The following MGAT4C variants were observed in gnomAD, a reference collection of about 807,000 sequenced individuals.
MGAT4C encodes alpha-1,3-mannosyl-glycoprotein 4-beta-N-acetylglucosaminyltransferase C.
Under a neutral mutation model 40.1 loss-of-function variants are expected in MGAT4C, and 19 were observed. That is an observed-to-expected ratio of 0.47 (90% CI 0.33 to 0.70). MGAT4C has a LOEUF of 0.70. MGAT4C is among the 30% of genes least tolerant of loss of function. MGAT4C has a pLI of 0.02. For missense variants in MGAT4C, 491 were observed against 563.2 expected (o/e 0.87, Z 1.30); for synonymous variants, 181 against 187.1 (o/e 0.97, Z 0.27).
At chr12:86,682,365 A>G (rs566340460) in intron 2 of MGAT4C, among the ~76,000 whole-genome samples, 2 of 152,078 alleles carry the variant, frequency 1.3e-5, no homozygotes, top group Non-Finnish European at 2.9e-5. Flanking sequence ...TAAGCTAAGC[A>G]GTTTACTAAT....
At chr12:86,255,916 A>T (rs1952497137) in intron 1 of MGAT4C, among the ~76,000 whole-genome samples, 1 of 152,164 alleles carries the variant, frequency 6.6e-6, no homozygotes, top group African/African-American at 2.4e-5. Context: ...TAGAGAAATG[A>T]TGCAGAATGA....
chr12:86,714,774 A>AAAGGAAGGAAGGAAGG (rs71445060), intron 2 of MGAT4C, among the ~76,000 whole-genome samples: 3,670 of 141,418 alleles, frequency 0.026, 105 homozygotes, highest in African/African-American at 0.064. Flanking sequence ...TGGAAGGGAA[A>AAAGGAAGGAAGGAAGG]AAGGAAGGAA....
intron 2 of MGAT4C, among the ~76,000 whole-genome samples, chr12:86,457,460 T>C (rs911136990): frequency 1.3e-5 from 2 of 152,150 alleles, no homozygotes; most frequent in Non-Finnish European, 2.9e-5. Context: ...ATTTTATTTA[T>C]GAATAGATTT....
intron 2 of MGAT4C, among the ~76,000 whole-genome samples, chr12:86,486,376 GCACACACACACACACACA>G (rs59222713): frequency 2.0e-4 from 28 of 139,986 alleles, no homozygotes; most frequent in Admixed American, 2.9e-4. Context: ...GATCTATCAT[GCACACACACACACACACA>G]CACACACACA....
intron 4 of MGAT4C, among the ~76,000 whole-genome samples, chr12:86,263,177 C>G (rs1328241414): frequency 6.6e-6 from 1 of 151,988 alleles, no homozygotes; most frequent in Admixed American, 6.6e-5. Context: ...AACAAATATT[C>G]TAAATTTTTA....
chr12:86,812,805 C>T (rs1314312875), intron 1 of MGAT4C, among the ~76,000 whole-genome samples: 2 of 152,066 alleles, frequency 1.3e-5, no homozygotes, highest in Non-Finnish European at 2.9e-5. Flanking sequence ...CCAACCTTTA[C>T]TGGGCTATCC....
intron 2 of MGAT4C, among the ~76,000 whole-genome samples, chr12:86,538,701 A>C (rs1959117868): frequency 6.8e-6 from 1 of 147,284 alleles, no homozygotes; most frequent in Admixed American, 7.0e-5. Flanking sequence ...TCCACCTCCC[A>C]GGTTCATGCC....
chr12:86,440,804 A>G (rs910637141), intron 2 of MGAT4C, among the ~76,000 whole-genome samples: 1 of 152,112 alleles, frequency 6.6e-6, no homozygotes, highest in African/African-American at 2.4e-5. Flanking sequence ...AATATACACA[A>G]ATCAGCTGCA....
In MGAT4C at chr12:86,772,887, T is replaced by C. The variant is rs573645677; in HGVS notation, c.-261-45646A>G. On this transcript the variant is annotated intron_variant, in intron 1 of 7. Coordinates refer to the MGAT4C transcript ENST00000548651. ...AGTAATTTTGCCTCAGGATGAATCATACCTGGAGTCTCACCCACACGTGGA... is the reference window on the plus strand; with the variant it reads ...AGTAATTTTGCCTCAGGATGAATCACACCTGGAGTCTCACCCACACGTGGA... Among the ~76,000 whole-genome samples the C allele has an allele frequency of 1.6e-4, 25 of 152,274 alleles. 1 individual carries two copies. In the South Asian group the frequency reaches 5.2e-3, roughly 32 times the overall value.
At chr12:86,026,150 G>A (rs1029059203) in intron 2 of MGAT4C, among the ~76,000 whole-genome samples, 5 of 151,766 alleles carry the variant, frequency 3.3e-5, no homozygotes, top group African/African-American at 1.2e-4. Context: ...AAGGAGTGGG[G>A]ATATAAAATA....
At chr12:86,185,842 T>C (rs1247333700) in intron 1 of MGAT4C, among the ~76,000 whole-genome samples, 2 of 152,090 alleles carry the variant, frequency 1.3e-5, no homozygotes, top group African/African-American at 4.8e-5. Context: ...GCAAACACAT[T>C]TCTTAGGCAA....
At chr12:86,552,635 T>C (rs781143112) in intron 2 of MGAT4C, among the ~76,000 whole-genome samples, 3 of 152,124 alleles carry the variant, frequency 2.0e-5, no homozygotes, top group Admixed American at 6.5e-5. Context: ...ATGTACTTCA[T>C]AAATATGTAC....
In MGAT4C at chr12:86,068,940, GTA is replaced by G. The variant is rs1423914823; in HGVS notation, c.-56-19219_-56-19218del. Among the ~76,000 whole-genome samples the G allele has an allele frequency of 5.9e-5, 9 of 152,180 alleles. No individual in the cohort carries two copies. In the East Asian group the frequency reaches 1.4e-3, roughly 23 times the overall value. Reference sequence around the variant, plus strand: ...TCTGTAAGAGTTGGTTGATAATATAGTATTGCTTTAGGTGGGAGACTCCTTAA... The same window carrying G: ...TCTGTAAGAGTTGGTTGATAATATAGTTGCTTTAGGTGGGAGACTCCTTAA... On this transcript the variant is annotated intron_variant, in intron 1 of 4. Transcript: ENST00000611864.
At chr12:86,763,180 A>C (rs1393625135) in intron 1 of MGAT4C, among the ~76,000 whole-genome samples, 1 of 152,230 alleles carries the variant, frequency 6.6e-6, no homozygotes, top group African/African-American at 2.4e-5. Flanking sequence ...GTGTGACTCA[A>C]AACAAATTGT....
In MGAT4C at chr12:86,036,080, A is replaced by G. The variant is rs1891212939; in HGVS notation, c.-7+13594T>C. Among the ~76,000 whole-genome samples the G allele has an allele frequency of 1.3e-5, 2 of 149,912 alleles. 1 individual carries two copies. The highest frequency in any genetic ancestry group is 3.0e-5 in the Non-Finnish European group (2 of 66,868). On this transcript the variant is annotated intron_variant, in intron 2 of 4. Coordinates refer to ENST00000611864, the MANE Select transcript of MGAT4C (RefSeq NM_001351288.2). Reference sequence around the variant, plus strand: ...GCAGACTCTTTTTTGGTTCCATATGAAATTTGAAGTAGTTTTTTCCAATTC... The same window carrying G: ...GCAGACTCTTTTTTGGTTCCATATGGAATTTGAAGTAGTTTTTTCCAATTC...
At chr12:86,383,547 C>G (rs1955991376) in intron 3 of MGAT4C, among the ~76,000 whole-genome samples, 1 of 38,182 alleles carries the variant, frequency 2.6e-5, no homozygotes, top group Non-Finnish European at 4.8e-5. Context: ...GACACTTCGT[C>G]TCAAAAAAAA....
intron 2 of MGAT4C, among the ~76,000 whole-genome samples, chr12:86,509,652 A>G (rs1382759037): frequency 6.6e-6 from 1 of 152,140 alleles, no homozygotes; most frequent in African/African-American, 2.4e-5. Context: ...TACCTTGGGC[A>G]GTATGGCCAT....
intron 2 of MGAT4C, among the ~76,000 whole-genome samples, chr12:86,720,295 C>T (rs1374893938): frequency 5.6e-5 from 3 of 53,636 alleles, no homozygotes; most frequent in Non-Finnish European, 2.1e-4. Context: ...ACAGAAGCTG[C>T]ATGACCTTTT....
chr12:86,565,445 G>A (rs1960050268), intron 2 of MGAT4C, among the ~76,000 whole-genome samples: 1 of 152,212 alleles, frequency 6.6e-6, no homozygotes, highest in African/African-American at 2.4e-5. Context: ...GTGGGCAGCT[G>A]CAGCACTACA....
Sources: gnomAD v4.1 joint callset for allele counts (sites outside exome capture counted in the v4.1 genomes callset) on GRCh38, gnomAD v4.1.1 for gene constraint, MANE v1.5 for transcripts, NCBI Gene and HGNC (gene_info 2026-07-23, HGNC 2026-07-21) for gene names.